Variants in NLK observed in about 807,000 individuals in gnomAD.
NLK encodes the protein serine/threonine-protein kinase NLK.
NLK carries 11 observed loss-of-function variants against 59.0 expected under a neutral mutation model. The ratio of observed to expected loss-of-function variants is 0.19; its 90% CI spans 0.12 to 0.31. The LOEUF is 0.31. Ranked by LOEUF, NLK falls within the 10% of genes least tolerant of loss-of-function variation. The probability of loss-of-function intolerance (pLI) is 1.00; values close to 1 mark genes in which losing one functional copy is unlikely to be tolerated. For missense variants in NLK, 410 were observed against 661.1 expected (o/e 0.62, Z 4.16); for synonymous variants, 235 against 235.9 (o/e 1.00, Z 0.03).
At chr17:28,053,770 A>G (rs1045405575) in intron 1 of NLK, among the ~76,000 whole-genome samples, 1 of 152,252 alleles carries the variant, frequency 6.6e-6, no homozygotes, top group South Asian at 2.1e-4. Context: ...ATGATCCGTC[A>G]ATTTACATAA....
At chr17:28,146,800 G>A (rs1050968981) in intron 3 of NLK, among the ~76,000 whole-genome samples, 3 of 152,074 alleles carry the variant, frequency 2.0e-5, no homozygotes, top group South Asian at 2.1e-4. Flanking sequence ...GTACAAGAAC[G>A]AGGGCTGTGA....
At chr17:28,061,788 A>AC (rs1555555555) in intron 1 of NLK, among the ~76,000 whole-genome samples, 1 of 146,320 alleles carries the variant, frequency 6.8e-6, no homozygotes, top group Non-Finnish European at 1.5e-5. Context: ...ATACATATAT[A>AC]ATATATACAT....
At chr17:28,126,860 A>G (rs1372868759) in intron 2 of NLK, among the ~76,000 whole-genome samples, 1 of 152,140 alleles carries the variant, frequency 6.6e-6, no homozygotes, top group Admixed American at 6.5e-5. Flanking sequence ...CTCTCTACCC[A>G]TCTATGCATT....
intron 1 of NLK, among the ~76,000 whole-genome samples, chr17:28,092,942 T>C (rs1904557816): frequency 6.6e-6 from 1 of 151,762 alleles, no homozygotes; most frequent in African/African-American, 2.4e-5. Context: ...ACTACAGGCA[T>C]GTGCCACCAA....
At chr17:28,085,608 T>C (rs113767730) in intron 1 of NLK, among the ~76,000 whole-genome samples, 4,831 of 152,028 alleles carry the variant, frequency 0.032, 231 homozygotes, top group African/African-American at 0.11. Context: ...GGCGTAGTGG[T>C]GCGCAGCTGT....
At chr17:28,148,387 CATATATGATTCATAAGTGCAGGGAAA>C (rs1907344904) in intron 3 of NLK, among the ~76,000 whole-genome samples, 1 of 152,050 alleles carries the variant, frequency 6.6e-6, no homozygotes, top group African/African-American at 2.4e-5. Context: ...TCTATTTAAG[CATATATGATTCATAAGTGCAGGGAAA>C]ATGTTTCTTG....
At chr17:28,061,523 G>A (rs561729984) in intron 1 of NLK, among the ~76,000 whole-genome samples, 1 of 152,160 alleles carries the variant, frequency 6.6e-6, no homozygotes, top group East Asian at 1.9e-4. Flanking sequence ...GTATCTGGAT[G>A]TCTTCTAAAT....
chr17:28,164,947 C>A (rs766858729), intron 5 of NLK, among the ~76,000 whole-genome samples: 2 of 152,004 alleles, frequency 1.3e-5, no homozygotes, highest in Non-Finnish European at 2.9e-5. Flanking sequence ...TTCATTATAG[C>A]CTTGAAGAAC....
chr17:28,136,569 T>G (rs1212876698), intron 3 of NLK, among the ~76,000 whole-genome samples: 1 of 152,182 alleles, frequency 6.6e-6, no homozygotes, highest in Non-Finnish European at 1.5e-5. Context: ...TGCTGATTCT[T>G]TTAGTGTCCT....
chr17:28,172,054 A>G (rs1567736055), intron 6 of NLK, among the ~76,000 whole-genome samples: 1 of 151,230 alleles, frequency 6.6e-6, no homozygotes, highest in Non-Finnish European at 1.5e-5. Flanking sequence ...ATATATAATA[A>G]ATAATATGTT....
At chr17:28,082,103 A>G (rs577676179) in intron 1 of NLK, among the ~76,000 whole-genome samples, 17 of 152,170 alleles carry the variant, frequency 1.1e-4, no homozygotes, top group Non-Finnish European at 2.2e-4. Flanking sequence ...TATGTTGGCC[A>G]TGCTGGCCAT....
At chr17:28,088,341 G>A (rs1400601865) in intron 1 of NLK, among the ~76,000 whole-genome samples, 1 of 152,112 alleles carries the variant, frequency 6.6e-6, no homozygotes, top group African/African-American at 2.4e-5. Flanking sequence ...AATTTGTTAA[G>A]GTTTGCAAAA....
chr17:28,066,155 T>A (rs1909815517), intron 1 of NLK, among the ~76,000 whole-genome samples: 1 of 152,168 alleles, frequency 6.6e-6, no homozygotes, highest in Non-Finnish European at 1.5e-5. Context: ...CCCCTCTCCC[T>A]TTCCTCTTAC....
chr17:28,160,016 A>G (rs1306763629), intron 3 of NLK, among the ~76,000 whole-genome samples: 3 of 152,346 alleles, frequency 2.0e-5, no homozygotes, highest in East Asian at 1.9e-4. Flanking sequence ...TCAATTAGGT[A>G]TCCAGGGGAA....
rs988692888 is a variant in NLK at position 28,092,700 on chromosome 17, C to T, written c.459-29903C>T. On this transcript the variant is annotated intron_variant, in intron 1 of 10. Transcript: ENST00000407008. ...GGAGATAATAGTCAAACAAAACAGA[C>T]TGTATCCTGCCTCGAAGTAGAAAGA... 1.1e-4 allele frequency among the ~76,000 whole-genome samples: 16 copies of T among 152,204 alleles called. No homozygotes were observed. The East Asian group carries it at 2.9e-3, about 27-fold the overall frequency.
chr17:28,071,225 G>T (rs758695305), intron 1 of NLK, among the ~76,000 whole-genome samples: 6 of 152,186 alleles, frequency 3.9e-5, no homozygotes, highest in Non-Finnish European at 8.8e-5. Context: ...GTCAGATAGC[G>T]TAAGTCTTCC....
In NLK at chr17:28,177,914, A is replaced by G. The variant is rs534332014; in HGVS notation, c.1149+5296A>G. ...GCATACTATATGGTAACTTGTCACCATATGACTGTAGCTTGTCCAGAAATC... is the reference window on the plus strand; with the variant it reads ...GCATACTATATGGTAACTTGTCACCGTATGACTGTAGCTTGTCCAGAAATC... On this transcript the variant is annotated intron_variant, in intron 7 of 10. Coordinates refer to ENST00000407008, the MANE Select transcript of NLK (RefSeq NM_016231.5). Among the ~76,000 whole-genome samples, 4 of 152,336 alleles carry G rather than the reference A, an allele frequency of 2.6e-5. No individual in the cohort carries two copies. In the South Asian group the frequency reaches 8.3e-4, roughly 32 times the overall value.
intron 1 of NLK, among the ~76,000 whole-genome samples, chr17:28,107,797 T>TG (rs1360958717): frequency 6.6e-6 from 1 of 152,152 alleles, no homozygotes; most frequent in African/African-American, 2.4e-5. Context: ...GGATACTGTT[T>TG]TAGGCACTGG....
intron 7 of NLK, among the ~76,000 whole-genome samples, chr17:28,183,465 A>T (rs2142067506): frequency 6.6e-6 from 1 of 152,252 alleles, no homozygotes; most frequent in Middle Eastern, 3.4e-3. Flanking sequence ...AGTAGCTGGG[A>T]CTACTGGCAT....
Sources: allele counts gnomAD v4.1 joint callset (sites outside exome capture counted in the v4.1 genomes callset), GRCh38; gene constraint gnomAD v4.1.1; transcripts MANE v1.5; gene names NCBI Gene and HGNC (gene_info 2026-07-23, HGNC 2026-07-21).